The following THSD4 variants were observed in gnomAD, a reference collection of about 807,000 sequenced individuals.
THSD4 encodes thrombospondin type 1 domain containing 4, also known as thrombospondin type-1 domain-containing protein 4.
THSD4 carries 69 observed loss-of-function variants against 119.0 expected under a neutral mutation model. The ratio of observed to expected loss-of-function variants is 0.58; its 90% confidence interval spans 0.48 to 0.71. The LOEUF (loss-of-function observed/expected upper bound fraction) is 0.71. Among genes scored for constraint, THSD4 ranks in the 30% least tolerant of loss-of-function variants. THSD4 has a pLI of 0.00. For missense variants in THSD4, 1,393 were observed against 1,391.1 expected (o/e 1.00, Z -0.02); for synonymous variants, 524 against 540.4 (o/e 0.97, Z 0.42).
intron 7 of THSD4, among the ~76,000 whole-genome samples, chr15:71,543,641 G>A (rs1324237182): frequency 6.6e-6 from 1 of 152,220 alleles, no homozygotes; most frequent in African/African-American, 2.4e-5. Context: ...GTTGAATTTG[G>A]AGTACATTTG....
At chr15:71,671,037 C>G (rs569156652) in intron 8 of THSD4, among the ~76,000 whole-genome samples, 2 of 151,392 alleles carry the variant, frequency 1.3e-5, no homozygotes, top group African/African-American at 4.8e-5. Flanking sequence ...GGCTGGGTCT[C>G]TAGATCCTTG....
chr15:71,441,810 T>G (rs1232509146), intron 7 of THSD4, among the ~76,000 whole-genome samples: 1 of 152,034 alleles, frequency 6.6e-6, no homozygotes, highest in Non-Finnish European at 1.5e-5. Context: ...TTTTCCACTT[T>G]AGTAAAGCGG....
chr15:71,545,621 C>T (rs1303512479), intron 7 of THSD4, among the ~76,000 whole-genome samples: 1 of 152,190 alleles, frequency 6.6e-6, no homozygotes, highest in Non-Finnish European at 1.5e-5. Flanking sequence ...ATAATTCCTG[C>T]ATTTCTCATG....
chr15:71,459,397 T>A (rs1349314218), intron 7 of THSD4, among the ~76,000 whole-genome samples: 7 of 151,282 alleles, frequency 4.6e-5, no homozygotes, highest in African/African-American at 1.7e-4. Context: ...TCTCTCTCTC[T>A]CTCTCTCTGT....
chr15:71,668,038 T>A (rs535707219), intron 8 of THSD4, among the ~76,000 whole-genome samples: 1 of 152,326 alleles, frequency 6.6e-6, no homozygotes, highest in Non-Finnish European at 1.5e-5. Context: ...CCTATGTTAT[T>A]GATTTTTTTT....
chr15:71,558,902 T>C (rs759739094), intron 7 of THSD4, among the ~76,000 whole-genome samples: 27 of 152,202 alleles, frequency 1.8e-4, no homozygotes, highest in Non-Finnish European at 3.2e-4. Flanking sequence ...CTTGATTATA[T>C]TGTGGTCTGA....
At chr15:71,381,310 TA>T (rs1316705102) in intron 6 of THSD4, among the ~76,000 whole-genome samples, 20 of 152,326 alleles carry the variant, frequency 1.3e-4, no homozygotes, top group African/African-American at 4.8e-4. Context: ...TTGCCATAGG[TA>T]ATTTAATTTG....
At chr15:71,338,068 C>G (rs1394397177) in intron 6 of THSD4, among the ~76,000 whole-genome samples, 1 of 152,154 alleles carries the variant, frequency 6.6e-6, no homozygotes, top group Non-Finnish European at 1.5e-5. Context: ...TAAACTGTTC[C>G]CCCATCAATG....
rs539984755 is a variant in THSD4, at chr15:71,322,026, TA to T, written c.1015+65323del. Among the ~76,000 whole-genome samples the T allele has an allele frequency of 1.5e-3, 223 of 144,540 alleles. 3 individuals are homozygous for T. Among genetic ancestry groups the T allele is most frequent in the East Asian group, 2.4e-3 (12 of 5,050 alleles). The allele number at this position is 144,540 out of a possible 152,430, so 94.8% of individuals were successfully genotyped here. ...ACTGAGTAAAATGATCACATGGACT[TA>T]AAAAAAAAAAAGTGGGTCAAATTAA... On this transcript the variant is annotated intron_variant, in intron 6 of 17. Transcript: ENST00000261862.
chr15:71,164,616 TA>T (rs1184669895), intron 3 of THSD4, among the ~76,000 whole-genome samples: 2 of 152,162 alleles, frequency 1.3e-5, no homozygotes, highest in African/African-American at 4.8e-5. Context: ...ACACATTCGG[TA>T]GTGTGTTAAC....
chr15:71,331,133 T>C (rs1464260102), intron 6 of THSD4, among the ~76,000 whole-genome samples: 3 of 152,202 alleles, frequency 2.0e-5, no homozygotes, highest in Admixed American at 6.5e-5. Context: ...CAGTGTTGAT[T>C]AGTTTTCCTG....
chr15:71,770,852 T>C (rs182033505), intron 16 of THSD4, among the ~76,000 whole-genome samples: 1 of 152,214 alleles, frequency 6.6e-6, no homozygotes, highest in African/African-American at 2.4e-5. Context: ...TGCTTCAAAA[T>C]AGTGGGAGGA....
At chr15:71,611,061 G>A (rs1387240941) in intron 7 of THSD4, among the ~76,000 whole-genome samples, 1 of 152,202 alleles carries the variant, frequency 6.6e-6, no homozygotes, top group African/African-American at 2.4e-5. Flanking sequence ...AGAGGGCTTA[G>A]CAATTTTTAA....
intron 6 of THSD4, among the ~76,000 whole-genome samples, chr15:71,382,583 A>G (rs1407082636): frequency 6.6e-6 from 1 of 152,154 alleles, no homozygotes; most frequent in Non-Finnish European, 1.5e-5. Context: ...CCTTAACAAT[A>G]TAACACATCC....
chr15:71,368,304 C>T (rs184607155), intron 6 of THSD4, among the ~76,000 whole-genome samples: 1 of 152,316 alleles, frequency 6.6e-6, no homozygotes, highest in Non-Finnish European at 1.5e-5. Context: ...TCCCATTTGT[C>T]AGTTTTGGCT....
At chr15:71,776,654 G>C (rs1204572277) in intron 17 of THSD4, among the ~76,000 whole-genome samples, 2 of 151,930 alleles carry the variant, frequency 1.3e-5, no homozygotes, top group Non-Finnish European at 2.9e-5. Context: ...GGCAGAGGAT[G>C]GTAACAAAAC....
chr15:71,323,253 G>A (rs2140362879), intron 6 of THSD4, among the ~76,000 whole-genome samples: 1 of 152,238 alleles, frequency 6.6e-6, no homozygotes, highest in South Asian at 2.1e-4. Context: ...ATACTAGAAG[G>A]CGCCAATCGC....
intron 7 of THSD4, among the ~76,000 whole-genome samples, chr15:71,568,056 AG>A (rs1280873801): frequency 2.6e-5 from 4 of 152,196 alleles, no homozygotes; most frequent in African/African-American, 9.7e-5. Flanking sequence ...TTCTTGGTAT[AG>A]GATGAGTATA....
intron 3 of THSD4, chr15:71,184,117 G>A (rs1327534625): frequency 6.6e-6 from 1 of 151,736 alleles, no homozygotes; most frequent in Non-Finnish European, 1.5e-5. Context: ...CCACATGTTT[G>A]GAGGCACAGG....
Sources: allele counts gnomAD v4.1 joint callset (sites outside exome capture counted in the v4.1 genomes callset), GRCh38; gene constraint gnomAD v4.1.1; transcripts MANE v1.5; gene names NCBI Gene and HGNC (gene_info 2026-07-23, HGNC 2026-07-21).